MUC22: variants seen among roughly 807,000 people sequenced by gnomAD.
MUC22 encodes the protein mucin 22.
In MUC22, 24 loss-of-function variants were observed where a neutral mutation model predicts 40.3. That is an observed-to-expected ratio of 0.60 (90% confidence interval 0.43 to 0.84). The LOEUF is 0.84. Ranked by LOEUF, MUC22 falls within the 40% of genes least tolerant of loss-of-function variation. MUC22 has a pLI of 0.00. For synonymous variants in MUC22, 765 were observed against 844.5 expected (o/e 0.91, Z 1.63); for missense variants, 1,926 against 2,130.7 (o/e 0.90, Z 1.89).
exon 2 of MUC22, chr6:31,026,460 A>G (rs1765358200): frequency 6.6e-7 from 1 of 1,506,372 alleles, no homozygotes; most frequent in South Asian, 1.2e-5. Flanking sequence ...CTTCTATGGC[A>G]GGCTCTGAGA....
exon 2 of MUC22, chr6:31,026,312 G>T (rs748421945): frequency 6.6e-7 from 1 of 1,507,430 alleles, no homozygotes; most frequent in South Asian, 1.2e-5. Context: ...TCTACAGCAG[G>T]TTCTGAGACC....
Position 31,026,894 on chromosome 6 carries a change from A to G in MUC22, c.1463A>G (p.Lys488Arg), listed in dbSNP as rs575443639. Residue 488 changes from lysine (K) to arginine (R), a missense_variant, in exon 2 of 4, where the codon AAA becomes AGA. Lys to Arg is a conservative substitution (Grantham distance 26). Coordinates refer to ENST00000561890, the Ensembl canonical transcript of MUC22. ...TCCACCATGGGCTCTGAGACCACCA[A>G]AGTCTCAACTGCAGGCTCTGAGACC... is the stretch of plus-strand genomic sequence containing the variant. 16 of 1,424,874 alleles carry G rather than the reference A, an allele frequency of 1.1e-5. 3 individuals are homozygous for G. Among genetic ancestry groups the G allele is most frequent in the Non-Finnish European group, 1.4e-5 (15 of 1,084,284 alleles). 88.3% of individuals were successfully genotyped at this position (1,424,874 alleles called of 1,614,324 possible).
At chr6:31,022,683 G>GTA (rs1296774894) in intron 1 of MUC22, among the ~76,000 whole-genome samples, 3 of 152,184 alleles carry the variant, frequency 2.0e-5, no homozygotes, top group Non-Finnish European at 4.4e-5. Flanking sequence ...AAATGGAAGT[G>GTA]TACTGTGTTG....
chr6:31,035,107 A>G (rs1766360942), exon 4 of MUC22: 7 of 739,180 alleles, frequency 9.5e-6, no homozygotes, highest in Non-Finnish European at 1.5e-5. Context: ...GAAGCTTCCC[A>G]GGATGTGATC....
At chr6:31,027,524 CCTCTACTTCAGA>C (rs1028259958) in exon 2 of MUC22, 1 of 1,528,912 alleles carries the variant, frequency 6.5e-7, no homozygotes. Flanking sequence ...ATCACAATAG[CCTCTACTTCAGA>C]CTCTGAGACC....
rs116974889 is a variant in MUC22, at chr6:31,023,438, C to T, written c.71-2064C>T. On this transcript the variant is annotated intron_variant, in intron 1 of 3. Transcript: ENST00000561890. Reference sequence around the variant, plus strand: ...CTCGTGCCTGTGATCCTAGATAGTTCGGAGGCTGAGGCAGGAGGATTTCTT... The same window carrying T: ...CTCGTGCCTGTGATCCTAGATAGTTTGGAGGCTGAGGCAGGAGGATTTCTT... Among the ~76,000 whole-genome samples the T allele has an allele frequency of 7.1e-4, 108 of 151,564 alleles. 1 individual carries two copies. In the East Asian group the frequency reaches 0.011, roughly 15 times the overall value.
Position 31,029,230 on chromosome 6 carries a change from ACAGTCTCTAC to A in MUC22, c.3802_3811del (p.Val1268GlnfsTer125), listed in dbSNP as rs1765795310. On this transcript the variant is annotated frameshift_variant, in exon 2 of 4. Coordinates refer to ENST00000561890, the Ensembl canonical transcript of MUC22. LOFTEE classifies it high-confidence loss of function. ...CTCCTCCACAGGCTCTGAGACCACCACAGTCTCTACCACAGGCACTGAGACTACCATCACC... is the reference window on the plus strand; with the variant it reads ...CTCCTCCACAGGCTCTGAGACCACCACACAGGCACTGAGACTACCATCACC... 1 of 1,535,346 alleles carries A rather than the reference ACAGTCTCTAC, an allele frequency of 6.5e-7. No individual in the cohort carries two copies. The highest frequency in any genetic ancestry group is 8.7e-7 in the Non-Finnish European group (1 of 1,146,856).
chr6:31,033,370 G>A (rs1766219275), intron 3 of MUC22, among the ~76,000 whole-genome samples: 1 of 152,148 alleles, frequency 6.6e-6, no homozygotes, highest in Non-Finnish European at 1.5e-5. Context: ...GCATAAAAAT[G>A]TTCAGCCATC....
At chr6:31,030,025 G>C in exon 2 of MUC22, 2 of 1,535,700 alleles carry the variant, frequency 1.3e-6, no homozygotes, top group East Asian at 2.4e-5. Flanking sequence ...CTCCACCACT[G>C]TCTCTTCCAC....
upstream of MUC22, among the ~76,000 whole-genome samples, chr6:31,008,838 A>C (rs1293197260): frequency 6.6e-6 from 1 of 151,854 alleles, no homozygotes; most frequent in Non-Finnish European, 1.5e-5. Context: ...TGAGCCACCA[A>C]AATTTTTTTC....
At chr6:31,006,626 T>C (rs1469994725), upstream of MUC22, among the ~76,000 whole-genome samples, 1 of 152,154 alleles carries the variant, frequency 6.6e-6, no homozygotes. Flanking sequence ...TACCACTTAA[T>C]TTTGCTGTGA....
chr6:31,027,654 A>T lies in MUC22; in HGVS notation c.2223A>T (p.Thr741=), dbSNP rs762679817. 1.6e-5 allele frequency: 25 copies of T among 1,530,390 alleles called. No individual in the cohort carries two copies. In the South Asian group the frequency reaches 2.8e-4, roughly 17 times the overall value. The allele number at this position is 1,530,390 out of a possible 1,614,324, so 94.8% of individuals were successfully genotyped here. Residue 741 remains threonine, a synonymous_variant, in exon 2 of 4, where the codon ACA becomes ACT. Coordinates refer to ENST00000561890, the Ensembl canonical transcript of MUC22. ...CTGAGACCACCACAGCCTCTAATAC[A>T]GGCTTGGAGACCACCACAGTCTTTA...
At chr6:31,020,971 G>T (rs1397406231) in intron 1 of MUC22, among the ~76,000 whole-genome samples, 1 of 152,214 alleles carries the variant, frequency 6.6e-6, no homozygotes, top group East Asian at 1.9e-4. Context: ...GGCAGGGCTG[G>T]GGACCTGCAG....
intron 1 of MUC22, 129 bp from the exon 2 acceptor site, chr6:31,025,373 T>C (rs1765190346): frequency 9.2e-7 from 1 of 1,082,448 alleles, no homozygotes; most frequent in Non-Finnish European, 1.3e-6. Context: ...ACCAGGTACA[T>C]GTTAAGCCCT....
exon 2 of MUC22, chr6:31,025,915 G>A: frequency 6.5e-7 from 1 of 1,534,462 alleles, no homozygotes; most frequent in Non-Finnish European, 8.7e-7. Flanking sequence ...CTCCACTGCA[G>A]GCTCTGAGAA....
At chr6:31,014,954 T>A (rs1764091353) in intron 1 of MUC22, among the ~76,000 whole-genome samples, 1 of 151,478 alleles carries the variant, frequency 6.6e-6, no homozygotes, top group African/African-American at 2.4e-5. Flanking sequence ...ATCAAGGTAG[T>A]CAGGAGGCAG....
At chr6:31,026,231 C>T (rs1040723325) in exon 2 of MUC22, 6 of 1,529,616 alleles carry the variant, frequency 3.9e-6, no homozygotes, top group African/African-American at 1.4e-5. Context: ...GGCTCTAACA[C>T]CACCACAGCC....
At chr6:31,028,682 C>T in exon 2 of MUC22, 4 of 1,532,828 alleles carry the variant, frequency 2.6e-6, no homozygotes, top group Non-Finnish European at 3.5e-6. Flanking sequence ...GGCTCTGAGA[C>T]CATCCCAGCC....
chr6:31,026,915 A>G (rs111682242), exon 2 of MUC22: 1 of 1,504,962 alleles, frequency 6.6e-7, no homozygotes, highest in South Asian at 1.2e-5. Flanking sequence ...GCAGGCTCTG[A>G]GACCACAGTC....
Sources: allele counts gnomAD v4.1 joint callset (sites outside exome capture counted in the v4.1 genomes callset), GRCh38; gene constraint gnomAD v4.1.1; transcripts MANE v1.5; gene names NCBI Gene and HGNC (gene_info 2026-07-23, HGNC 2026-07-21).